Variants in CSMD3 observed in about 807,000 individuals in gnomAD.
CSMD3 encodes the protein CUB and Sushi multiple domains 3.
In CSMD3, 177 loss-of-function variants were observed where a neutral mutation model predicts 435.2. The ratio of observed to expected loss-of-function variants is 0.41; its 90% CI spans 0.36 to 0.46. CSMD3 has a LOEUF of 0.46. Among genes scored for constraint, CSMD3 ranks in the 20% least tolerant of loss-of-function variants. CSMD3 has a pLI of 0.34. For missense variants in CSMD3, 4,265 were observed against 4,504.6 expected (o/e 0.95, Z 1.52); for synonymous variants, 1,656 against 1,520.5 (o/e 1.09, Z -2.07).
intron 13 of CSMD3, among the ~76,000 whole-genome samples, chr8:112,763,573 AT>A (rs1176352100): frequency 1.1e-4 from 16 of 147,820 alleles, no homozygotes; most frequent in Middle Eastern, 3.4e-3. Flanking sequence ...TCAGATCCAG[AT>A]GCTAAAATAA....
intron 3 of CSMD3, among the ~76,000 whole-genome samples, chr8:113,212,584 T>C (rs1004608381): frequency 1.2e-4 from 19 of 152,230 alleles, no homozygotes; most frequent in Admixed American, 6.5e-4. Context: ...TCACGTCCTT[T>C]GTAGGGACAT....
At chr8:112,464,663 A>C (rs978737412) in intron 32 of CSMD3, among the ~76,000 whole-genome samples, 4 of 152,116 alleles carry the variant, frequency 2.6e-5, no homozygotes, top group Non-Finnish European at 5.9e-5. Context: ...TTACACAAAA[A>C]CTTATAATGT....
intron 21 of CSMD3, among the ~76,000 whole-genome samples, chr8:112,637,580 C>A (rs575402438): frequency 6.6e-6 from 1 of 151,926 alleles, no homozygotes; most frequent in East Asian, 1.9e-4. Flanking sequence ...TTTCCCCAGG[C>A]AATAAATGAA....
At chr8:112,427,668 T>G (rs908174164) in intron 32 of CSMD3, among the ~76,000 whole-genome samples, 1 of 152,194 alleles carries the variant, frequency 6.6e-6, no homozygotes, top group Non-Finnish European at 1.5e-5. Flanking sequence ...TATGATGACC[T>G]ACTGTGTTTC....
rs914176067 is a variant in CSMD3 at position 112,943,266 on chromosome 8, A to G, written c.1508+4524T>C. Among the ~76,000 whole-genome samples the G allele has an allele frequency of 2.6e-5, 4 of 151,620 alleles. No individual in the cohort carries two copies. The East Asian group carries it at 7.7e-4, about 29-fold the overall frequency. On this transcript the variant is annotated intron_variant, in intron 9 of 70. Transcript: ENST00000297405. Reference sequence around the variant, plus strand: ...ATATGTAATTTGCAAATTTTTTTCCAATCTGTGGAATGTTCTTTCTTTGTC... The same window carrying G: ...ATATGTAATTTGCAAATTTTTTTCCGATCTGTGGAATGTTCTTTCTTTGTC...
At chr8:112,485,518 CA>C (rs1249710573) in intron 31 of CSMD3, among the ~76,000 whole-genome samples, 1 of 152,020 alleles carries the variant, frequency 6.6e-6, no homozygotes, top group Non-Finnish European at 1.5e-5. Flanking sequence ...TTCACACCCC[CA>C]AAAAATTTTG....
At chr8:112,255,569 T>A (rs1815707198) in intron 61 of CSMD3, 142 bp from the exon 62 acceptor site, 3 of 747,314 alleles carry the variant, frequency 4.0e-6, no homozygotes, top group Admixed American at 5.2e-5. Flanking sequence ...TGAAAAAATT[T>A]ATTTTTTAGC....
chr8:112,800,148 A>C lies in CSMD3; in HGVS notation c.1972+14T>G. ...TATTAAGATAACATTTCCTATGTAG[A>C]AATTAATCATTACCTTTGTAGTTAA... On this transcript the variant is annotated intron_variant, in intron 13 of 70. Transcript: ENST00000297405. 1 of 1,510,698 alleles carries C rather than the reference A, an allele frequency of 6.6e-7. No homozygotes were observed. The highest frequency in any genetic ancestry group is 9.2e-7 in the Non-Finnish European group (1 of 1,086,116). The allele number at this position is 1,510,698 out of a possible 1,614,324, so 93.6% of individuals were successfully genotyped here. A position where few individuals can be genotyped will look rare whatever the true frequency, so the allele number is the denominator to read the frequency against.
chr8:112,732,699 CAAAAAAA>C (rs34891739), intron 13 of CSMD3, among the ~76,000 whole-genome samples: 1 of 97,192 alleles, frequency 1.0e-5, no homozygotes, highest in Non-Finnish European at 2.3e-5. Flanking sequence ...GACTCCATCT[CAAAAAAA>C]AAAAAAAAAA....
intron 1 of CSMD3, among the ~76,000 whole-genome samples, chr8:113,416,801 A>C (rs571117318): frequency 6.6e-6 from 1 of 152,234 alleles, no homozygotes; most frequent in East Asian, 1.9e-4. Context: ...CAAAAGAGTC[A>C]GGTTAAAAAA....
At chr8:112,947,037 A>G (rs1449527269) in intron 9 of CSMD3, among the ~76,000 whole-genome samples, 1 of 151,696 alleles carries the variant, frequency 6.6e-6, no homozygotes, top group East Asian at 1.9e-4. Flanking sequence ...AAACATTAGC[A>G]TAAATAATTG....
At chr8:113,141,117 T>C (rs549516404) in intron 4 of CSMD3, among the ~76,000 whole-genome samples, 27 of 150,818 alleles carry the variant, frequency 1.8e-4, no homozygotes, top group Admixed American at 1.6e-3. Flanking sequence ...AAAGCACAAA[T>C]TACCAACTGT....
At chr8:113,113,998 C>A (rs2090746270) in intron 4 of CSMD3, among the ~76,000 whole-genome samples, 1 of 152,096 alleles carries the variant, frequency 6.6e-6, no homozygotes, top group African/African-American at 2.4e-5. Flanking sequence ...TAGACATCAT[C>A]TTCTACTAAA....
chr8:112,832,838 A>G (rs1250226861), intron 11 of CSMD3, among the ~76,000 whole-genome samples: 2 of 152,196 alleles, frequency 1.3e-5, no homozygotes, highest in Non-Finnish European at 2.9e-5. Context: ...ACACAGCAAT[A>G]TAAATTAGCA....
chr8:113,121,727 T>C (rs557590291), intron 4 of CSMD3, among the ~76,000 whole-genome samples: 20 of 152,280 alleles, frequency 1.3e-4, no homozygotes, highest in African/African-American at 4.3e-4. Context: ...TTAGACAGCA[T>C]TCACGTTCCA....
intron 13 of CSMD3, among the ~76,000 whole-genome samples, chr8:112,747,009 G>A (rs1431163949): frequency 4.0e-5 from 6 of 151,614 alleles, no homozygotes; most frequent in Non-Finnish European, 5.9e-5. Flanking sequence ...TTACTCCATC[G>A]CAGGCATTCA....
intron 40 of CSMD3, among the ~76,000 whole-genome samples, 157 bp from the exon 41 acceptor site, chr8:112,346,370 T>A (rs1825670357): frequency 6.6e-6 from 1 of 152,182 alleles, no homozygotes; most frequent in Admixed American, 6.5e-5. Flanking sequence ...AGGAATTAAA[T>A]ATAATCAACA....
chr8:112,618,391 ACTGTTC>A (rs754918128), intron 22 of CSMD3, among the ~76,000 whole-genome samples: 1 of 138,016 alleles, frequency 7.2e-6, no homozygotes, highest in Non-Finnish European at 1.7e-5. Flanking sequence ...TAAGGACTGT[ACTGTTC>A]CTTTGCAAGA....
At chr8:112,410,000 T>C (rs1394711994) in intron 32 of CSMD3, among the ~76,000 whole-genome samples, 1 of 151,974 alleles carries the variant, frequency 6.6e-6, no homozygotes, top group Non-Finnish European at 1.5e-5. Flanking sequence ...ATTTAAATTG[T>C]TCATTCCATG....
Sources: gnomAD v4.1 joint callset for allele counts (sites outside exome capture counted in the v4.1 genomes callset) on GRCh38, gnomAD v4.1.1 for gene constraint, MANE v1.5 for transcripts, NCBI Gene and HGNC (gene_info 2026-07-23, HGNC 2026-07-21) for gene names.